Variants in PLCL2 observed in about 807,000 individuals in gnomAD.
The protein encoded by PLCL2 is inactive phospholipase C-like protein 2.
In PLCL2, 4 loss-of-function variants were observed where a neutral mutation model predicts 79.6. That is an observed-to-expected ratio of 0.05 (90% CI 0.02 to 0.11). The LOEUF is 0.11. Ranked by LOEUF, PLCL2 falls within the 10% of genes least tolerant of loss-of-function variation. The pLI, the probability that PLCL2 is intolerant of heterozygous loss-of-function variation, is 1.00. For missense variants in PLCL2, 895 were observed against 1,291.0 expected, an observed-to-expected ratio of 0.69 and a Z score of 4.70; for synonymous variants, 484 against 457.7, an observed-to-expected ratio of 1.06 and a Z score of -0.73.
intron 4 of PLCL2, among the ~76,000 whole-genome samples, chr3:17,059,619 A>G (rs954048655): frequency 5.9e-5 from 9 of 151,966 alleles, no homozygotes; most frequent in African/African-American, 2.2e-4. Flanking sequence ...AGCAAGAGAA[A>G]CCATGTGTGT....
chr3:16,904,779 TAGTG>T (rs1274358317), intron 1 of PLCL2, among the ~76,000 whole-genome samples: 1 of 150,492 alleles, frequency 6.6e-6, no homozygotes, highest in Non-Finnish European at 1.5e-5. Flanking sequence ...GTTCTCATGA[TAGTG>T]AGTGAGTTCT....
intron 3 of PLCL2, among the ~76,000 whole-genome samples, chr3:17,015,714 C>T (rs1239636906): frequency 6.6e-6 from 1 of 152,186 alleles, no homozygotes; most frequent in Non-Finnish European, 1.5e-5. Context: ...CTGCTACCTC[C>T]TCCACTCCAA....
At chr3:17,082,541 C>G (rs770956925) in intron 5 of PLCL2, among the ~76,000 whole-genome samples, 2 of 152,122 alleles carry the variant, frequency 1.3e-5, no homozygotes, top group African/African-American at 2.4e-5. Context: ...TCAGCAGCTC[C>G]TCAAGCCCAG....
intron 1 of PLCL2, among the ~76,000 whole-genome samples, chr3:16,984,742 C>T (rs2064031745): frequency 6.6e-6 from 1 of 152,116 alleles, no homozygotes; most frequent in Admixed American, 6.6e-5. Context: ...ACCATCCTGG[C>T]TAACATGGTG....
intron 1 of PLCL2, among the ~76,000 whole-genome samples, chr3:16,998,458 C>T (rs963479204): frequency 6.6e-5 from 10 of 152,206 alleles, no homozygotes; most frequent in African/African-American, 2.4e-4. Context: ...TACATATCCA[C>T]AGTTGAGAAA....
At chr3:16,963,213 G>A (rs2063772862) in intron 1 of PLCL2, among the ~76,000 whole-genome samples, 1 of 151,932 alleles carries the variant, frequency 6.6e-6, no homozygotes. Flanking sequence ...TAATACATAG[G>A]TAATGCTAAA....
intron 1 of PLCL2, among the ~76,000 whole-genome samples, chr3:16,970,316 GT>G (rs1345344621): frequency 6.6e-6 from 1 of 151,556 alleles, no homozygotes; most frequent in African/African-American, 2.4e-5. Flanking sequence ...GCGGTGTTTG[GT>G]TTTTTGTTCT....
Position 16,901,998 on chromosome 3 carries a change from A to G in PLCL2, c.327+16632A>G, listed in dbSNP as rs75866813. ...TCCATAGCCATAGCTGCAGTTACCC[A>G]TGGATTCACTGGTGACTCTCACATT... On this transcript the variant is annotated intron_variant, in intron 1 of 5. Coordinates refer to ENST00000615277, the MANE Select transcript of PLCL2 (RefSeq NM_001144382.2). Among the ~76,000 whole-genome samples, 24 of 152,250 alleles carry G rather than the reference A, an allele frequency of 1.6e-4. No individual in the cohort carries two copies. In the South Asian group the frequency reaches 5.0e-3, roughly 32 times the overall value.
chr3:17,004,457 C>T (rs955547737), intron 1 of PLCL2, among the ~76,000 whole-genome samples: 2 of 152,100 alleles, frequency 1.3e-5, no homozygotes, highest in African/African-American at 4.8e-5. Flanking sequence ...CTGTTACTTG[C>T]AATAAAGGGC....
chr3:17,013,546 T>C (rs528065133), intron 2 of PLCL2, among the ~76,000 whole-genome samples: 12 of 152,238 alleles, frequency 7.9e-5, no homozygotes, highest in Non-Finnish European at 1.3e-4. Flanking sequence ...TTGATTTCTG[T>C]AACTGTCAAT....
At chr3:17,055,220 T>G (rs1298668022) in intron 4 of PLCL2, among the ~76,000 whole-genome samples, 2 of 152,184 alleles carry the variant, frequency 1.3e-5, no homozygotes, top group African/African-American at 4.8e-5. Flanking sequence ...CCACAGCATC[T>G]TTTCTCTTAA....
intron 3 of PLCL2, among the ~76,000 whole-genome samples, chr3:17,038,814 G>A (rs2064687510): frequency 6.6e-6 from 1 of 152,046 alleles, no homozygotes; most frequent in African/African-American, 2.4e-5. Flanking sequence ...TGCTTTCTTC[G>A]GATTGAAACG....
chr3:16,946,195 G>A (rs2063599127), intron 1 of PLCL2, among the ~76,000 whole-genome samples: 1 of 152,104 alleles, frequency 6.6e-6, no homozygotes, highest in Non-Finnish European at 1.5e-5. Flanking sequence ...GAGAAGAAGG[G>A]GAAAGGTGGT....
In PLCL2 at chr3:17,089,943, A is replaced by G; in HGVS notation, c.*31A>G. 1.2e-6 allele frequency: 2 copies of G among 1,601,378 alleles called. No homozygotes were observed. Among genetic ancestry groups the G allele is most frequent in the Non-Finnish European group, 1.7e-6 (2 of 1,173,986 alleles). Reference sequence around the variant, plus strand: ...CTTACAATAAACCATTATGGAGTTTATAACTCTAGGACCAATTGTAGTCAG... The same window carrying G: ...CTTACAATAAACCATTATGGAGTTTGTAACTCTAGGACCAATTGTAGTCAG... On this transcript the variant is annotated 3_prime_UTR_variant, in exon 6 of 6. Transcript: ENST00000615277.
At chr3:17,075,129 GT>G (rs2065097025) in intron 5 of PLCL2, among the ~76,000 whole-genome samples, 1 of 152,132 alleles carries the variant, frequency 6.6e-6, no homozygotes, top group South Asian at 2.1e-4. Flanking sequence ...ATTATTTCTA[GT>G]TTTTTATTTC....
At position 17,089,921 on chromosome 3, in the gene PLCL2, AC is replaced by A; in HGVS notation, c.*10del. On this transcript the variant is annotated 3_prime_UTR_variant, in exon 6 of 6. Coordinates refer to ENST00000615277, the MANE Select transcript of PLCL2 (RefSeq NM_001144382.2). ...ATGAAACTGGAGAATGAGGAAACTT[AC>A]AATAAACCATTATGGAGTTTATAAC... 1 of 1,610,908 alleles carries A rather than the reference AC, an allele frequency of 6.2e-7. No homozygotes were observed. The highest frequency in any genetic ancestry group is 1.1e-5 in the South Asian group (1 of 90,464).
At chr3:17,029,376 A>C (rs2064556799) in intron 3 of PLCL2, among the ~76,000 whole-genome samples, 1 of 151,258 alleles carries the variant, frequency 6.6e-6, no homozygotes, top group South Asian at 2.1e-4. Context: ...AAAAAAAAAC[A>C]ACTGTATAGA....
intron 1 of PLCL2, among the ~76,000 whole-genome samples, chr3:16,991,372 G>A (rs2064103965): frequency 6.6e-6 from 1 of 152,146 alleles, no homozygotes; most frequent in African/African-American, 2.4e-5. Flanking sequence ...GTTACCATGT[G>A]GCTTGAAAAG....
At chr3:17,012,821 A>C (rs1575586850) in intron 2 of PLCL2, among the ~76,000 whole-genome samples, 1 of 152,234 alleles carries the variant, frequency 6.6e-6, no homozygotes, top group East Asian at 1.9e-4. Context: ...CCCCTGAGTG[A>C]CACAGAGCTA....
Sources: gnomAD v4.1 joint callset for allele counts (sites outside exome capture counted in the v4.1 genomes callset) on GRCh38, gnomAD v4.1.1 for gene constraint, MANE v1.5 for transcripts, NCBI Gene and HGNC (gene_info 2026-07-23, HGNC 2026-07-21) for gene names.